The following GRID2 variants were observed in gnomAD, a reference collection of about 807,000 sequenced individuals.
GRID2 encodes the protein glutamate ionotropic receptor delta type subunit 2.
In GRID2, 33 loss-of-function variants were observed where a neutral mutation model predicts 114.8. That is an observed-to-expected ratio of 0.29 (90% CI 0.22 to 0.38). GRID2 has a LOEUF of 0.38. GRID2 is among the 10% of genes least tolerant of loss of function. GRID2 has a pLI of 1.00. For missense variants in GRID2, 1,184 were observed against 1,257.7 expected, an observed-to-expected ratio of 0.94 and a Z score of 0.89; for synonymous variants, 505 against 449.9, an observed-to-expected ratio of 1.12 and a Z score of -1.55.
rs1725958263 is a variant in GRID2, at chr4:92,316,010, A to AAG, written c.88+11267_88+11268insGA. 2.0e-5 allele frequency among the ~76,000 whole-genome samples: 3 copies of AAG among 150,882 alleles called. No individual in the cohort carries two copies. In the South Asian group the frequency reaches 6.3e-4, roughly 31 times the overall value. ...ACAAAAAGCAAAAAAAAAAAAAAAAAAAAAGAAAAGAGAACCCGTTCTGTT... is the reference window on the plus strand; with the variant it reads ...ACAAAAAGCAAAAAAAAAAAAAAAAAAGAAAAGAAAAGAGAACCCGTTCTGTT... On this transcript the variant is annotated intron_variant, in intron 1 of 15. Transcript: ENST00000282020.
intron 2 of GRID2, among the ~76,000 whole-genome samples, chr4:92,628,009 A>T (rs1007628140): frequency 7.9e-5 from 12 of 152,172 alleles, no homozygotes; most frequent in Non-Finnish European, 1.6e-4. Flanking sequence ...ACTAATACAG[A>T]TACAGACAAA....
chr4:92,433,603 G>A (rs1245068892), intron 1 of GRID2, among the ~76,000 whole-genome samples: 1 of 152,162 alleles, frequency 6.6e-6, no homozygotes, highest in African/African-American at 2.4e-5. Flanking sequence ...CTGGGGAGTT[G>A]GGGAGGGGTG....
intron 1 of GRID2, among the ~76,000 whole-genome samples, chr4:92,363,328 G>C (rs1340149110): frequency 6.6e-6 from 1 of 152,016 alleles, no homozygotes; most frequent in African/African-American, 2.4e-5. Context: ...CTCTCAAACA[G>C]GACAAAATTT....
chr4:92,676,044 G>A (rs1038544038), intron 2 of GRID2, among the ~76,000 whole-genome samples: 23 of 151,844 alleles, frequency 1.5e-4, no homozygotes, highest in Admixed American at 5.9e-4. Context: ...GAAGAGGGGC[G>A]AGTTCGATAC....
At chr4:93,782,875 A>G (rs1325110814) in intron 1 of GRID2, among the ~76,000 whole-genome samples, 1 of 141,654 alleles carries the variant, frequency 7.1e-6, no homozygotes, top group Non-Finnish European at 1.5e-5. Context: ...TGCTTTTAAA[A>G]TATAAACCAT....
At chr4:92,368,076 AC>A (rs770356413) in intron 1 of GRID2, among the ~76,000 whole-genome samples, 3 of 152,160 alleles carry the variant, frequency 2.0e-5, no homozygotes, top group Non-Finnish European at 4.4e-5. Context: ...ATGGGCTAGA[AC>A]ATGAGAAAGT....
chr4:92,312,883 T>C, intron 1 of GRID2, among the ~76,000 whole-genome samples: 1 of 152,064 alleles, frequency 6.6e-6, no homozygotes, highest in East Asian at 1.9e-4. Flanking sequence ...GTGTGGAGAT[T>C]TCTTAAAGAA....
intron 2 of GRID2, among the ~76,000 whole-genome samples, chr4:92,594,654 C>A (rs1400317502): frequency 6.6e-6 from 1 of 151,950 alleles, no homozygotes; most frequent in Non-Finnish European, 1.5e-5. Context: ...GTACTCATTA[C>A]CACCAATAGA....
At chr4:93,115,675 G>A (rs889064297) in intron 4 of GRID2, among the ~76,000 whole-genome samples, 5 of 152,112 alleles carry the variant, frequency 3.3e-5, no homozygotes, top group Non-Finnish European at 7.3e-5. Flanking sequence ...CAGGACTGGG[G>A]AGGCCTCAGA....
At chr4:92,569,050 G>T (rs146496612) in intron 1 of GRID2, among the ~76,000 whole-genome samples, 2 of 151,938 alleles carry the variant, frequency 1.3e-5, no homozygotes, top group Non-Finnish European at 2.9e-5. Flanking sequence ...ATGGTGGTTT[G>T]GTGCACAGAT....
chr4:92,833,097 A>T (rs189456948), intron 2 of GRID2, among the ~76,000 whole-genome samples: 27 of 152,302 alleles, frequency 1.8e-4, no homozygotes, highest in Admixed American at 1.7e-3. Flanking sequence ...AGGTAATTCA[A>T]CACAGCATGA....
At chr4:93,046,418 C>G (rs1420879705) in intron 2 of GRID2, among the ~76,000 whole-genome samples, 2 of 152,018 alleles carry the variant, frequency 1.3e-5, no homozygotes, top group Non-Finnish European at 2.9e-5. Flanking sequence ...TGTAAGATTT[C>G]AAGATAAAAG....
At chr4:92,622,168 TAGTA>T (rs1350900424) in intron 2 of GRID2, among the ~76,000 whole-genome samples, 1 of 151,732 alleles carries the variant, frequency 6.6e-6, no homozygotes, top group Non-Finnish European at 1.5e-5. Flanking sequence ...TTCTGAGTCA[TAGTA>T]AGAATTAACC....
chr4:93,298,205 CCTT>C (rs1429040634), intron 8 of GRID2, among the ~76,000 whole-genome samples: 1 of 152,166 alleles, frequency 6.6e-6, no homozygotes, highest in South Asian at 2.1e-4. Flanking sequence ...CTTGATGTCT[CCTT>C]CTTCCTCAGT....
At chr4:92,896,904 G>A (rs775861031) in intron 2 of GRID2, among the ~76,000 whole-genome samples, 9 of 152,014 alleles carry the variant, frequency 5.9e-5, no homozygotes, top group Non-Finnish European at 1.2e-4. Flanking sequence ...GACGACGCCC[G>A]GCTAATTTTG....
At chr4:92,596,136 G>A (rs1192116039) in intron 2 of GRID2, among the ~76,000 whole-genome samples, 1 of 152,038 alleles carries the variant, frequency 6.6e-6, no homozygotes, top group African/African-American at 2.4e-5. Context: ...CTTATTTTCT[G>A]AATTGTCTGA....
intron 2 of GRID2, 140 bp from the exon 3 acceptor site, chr4:93,084,852 TCTC>T: frequency 1.6e-6 from 1 of 619,276 alleles, no homozygotes; most frequent in Non-Finnish European, 2.8e-6. Context: ...AATTTGAGGA[TCTC>T]CTCATATCGA....
At chr4:93,089,859 A>G (rs564905835) in intron 3 of GRID2, among the ~76,000 whole-genome samples, 2 of 152,242 alleles carry the variant, frequency 1.3e-5, no homozygotes, top group East Asian at 3.9e-4. Context: ...CATGACCCTC[A>G]TAGTAATGTC....
intron 2 of GRID2, among the ~76,000 whole-genome samples, chr4:92,920,283 G>A (rs1442877971): frequency 1.3e-5 from 2 of 152,020 alleles, no homozygotes; most frequent in African/African-American, 4.8e-5. Flanking sequence ...CACACTGATG[G>A]GTCTTGACTC....
Sources: gnomAD v4.1 joint callset for allele counts (sites outside exome capture counted in the v4.1 genomes callset) on GRCh38, gnomAD v4.1.1 for gene constraint, MANE v1.5 for transcripts, NCBI Gene and HGNC (gene_info 2026-07-23, HGNC 2026-07-21) for gene names.